PXDNL: variants seen among roughly 807,000 people sequenced by gnomAD.
PXDNL encodes the protein probable oxidoreductase PXDNL.
In PXDNL, 145 loss-of-function variants were observed where a neutral mutation model predicts 150.8. That is an observed-to-expected ratio of 0.96 (90% CI 0.84 to 1.10). The LOEUF is 1.10. PXDNL is among the 50% of genes least tolerant of loss of function. PXDNL has a pLI of 0.00. For synonymous variants in PXDNL, 757 were observed against 725.7 expected (o/e 1.04, Z -0.69); for missense variants, 2,087 against 1,873.9 (o/e 1.11, Z -2.10).
intron 18 of PXDNL, among the ~76,000 whole-genome samples, chr8:51,374,316 T>G (rs1807231022): frequency 6.6e-6 from 1 of 152,206 alleles, no homozygotes; most frequent in Non-Finnish European, 1.5e-5. Context: ...AGACTCAGAT[T>G]TAAGCACAAC....
chr8:51,523,687 C>T (rs1811707115), intron 4 of PXDNL, among the ~76,000 whole-genome samples: 1 of 152,168 alleles, frequency 6.6e-6, no homozygotes, highest in Admixed American at 6.6e-5. Flanking sequence ...ACTGCACCTG[C>T]TTTTGTAGTT....
chr8:51,581,661 A>G lies in PXDNL; in HGVS notation c.308+10966T>C, dbSNP rs75225816. Among the ~76,000 whole-genome samples, 737 of 152,274 alleles carry G rather than the reference A, an allele frequency of 4.8e-3. 8 individuals are homozygous for G. Among genetic ancestry groups the G allele is most frequent in the East Asian group, 0.043 (220 of 5,164 alleles). ...ATTGAAACACCTGTGTTCATCAGGG[A>G]TACTGGCTTGCAATTTTCTTTTCTT... is the stretch of plus-strand genomic sequence containing the variant. On this transcript the variant is annotated intron_variant, in intron 3 of 22. Coordinates refer to ENST00000356297, the MANE Select transcript of PXDNL (RefSeq NM_144651.5).
chr8:51,761,436 T>G (rs2037165570), intron 1 of PXDNL, among the ~76,000 whole-genome samples: 1 of 152,224 alleles, frequency 6.6e-6, no homozygotes, highest in Admixed American at 6.5e-5. Context: ...CATGAATTTC[T>G]TAGCTCATAT....
Position 51,345,636 on chromosome 8 carries a change from C to T in PXDNL, c.4016+197G>A, listed in dbSNP as rs145600386. 1.5e-3 allele frequency among the ~76,000 whole-genome samples: 221 copies of T among 152,276 alleles called. 1 individual carries two copies. Among genetic ancestry groups the T allele is most frequent in the Admixed American group, 3.5e-3 (53 of 15,294 alleles). ...AGAAAAATTCATTGCCAAATACGCT[C>T]TGGTTGGGCTATTGCAGAGTGAAAT... On this transcript the variant is annotated intron_variant, in intron 20 of 22. Coordinates refer to ENST00000356297, the MANE Select transcript of PXDNL (RefSeq NM_144651.5).
chr8:51,611,393 C>T (rs1051607776), intron 2 of PXDNL, among the ~76,000 whole-genome samples: 14 of 152,192 alleles, frequency 9.2e-5, no homozygotes, highest in South Asian at 4.1e-4. Context: ...GGTAGTTACA[C>T]GAGTGTTTAT....
chr8:51,571,965 C>T (rs1812954516), intron 3 of PXDNL, among the ~76,000 whole-genome samples: 1 of 151,786 alleles, frequency 6.6e-6, no homozygotes, highest in South Asian at 2.1e-4. Flanking sequence ...ACAATGGTTT[C>T]CCTTTATGAC....
rs567703471 is a variant in PXDNL at position 51,761,158 on chromosome 8, C to G, written c.164+48023G>C. Among the ~76,000 whole-genome samples the G allele has an allele frequency of 1.7e-4, 26 of 151,618 alleles. 1 individual carries two copies. The South Asian group carries it at 5.2e-3, about 30-fold the overall frequency. ...AAAGTGCTAGGATTACAGGCGTGAG[C>G]CACCGCGGCCGGCCTGAAATCACTT... On this transcript the variant is annotated intron_variant, in intron 1 of 22. Coordinates refer to ENST00000356297, the MANE Select transcript of PXDNL (RefSeq NM_144651.5).
intron 1 of PXDNL, among the ~76,000 whole-genome samples, chr8:51,805,162 T>C (rs970610331): frequency 1.3e-5 from 2 of 151,828 alleles, no homozygotes; most frequent in Non-Finnish European, 2.9e-5. Flanking sequence ...CCCTCAACAA[T>C]GCCAGGTGGG....
chr8:51,714,724 C>G (rs1585695338), intron 1 of PXDNL, among the ~76,000 whole-genome samples: 1 of 152,240 alleles, frequency 6.6e-6, no homozygotes, highest in Admixed American at 6.5e-5. Flanking sequence ...TGTTCCATTG[C>G]ACCATTTTGT....
chr8:51,386,635 A>G (rs1807723248), intron 17 of PXDNL, among the ~76,000 whole-genome samples: 2 of 151,962 alleles, frequency 1.3e-5, no homozygotes, highest in African/African-American at 4.8e-5. Context: ...TAGATGATAG[A>G]TGGAAACGTC....
intron 6 of PXDNL, among the ~76,000 whole-genome samples, chr8:51,480,889 T>C (rs996782482): frequency 1.3e-5 from 2 of 152,204 alleles, no homozygotes; most frequent in African/African-American, 2.4e-5. Context: ...CCATTAAACC[T>C]CTTTTTCTTT....
chr8:51,406,912 A>G (rs930305142), intron 17 of PXDNL, among the ~76,000 whole-genome samples: 5 of 152,242 alleles, frequency 3.3e-5, no homozygotes, highest in Non-Finnish European at 7.3e-5. Context: ...TGAAATGATC[A>G]TGTTATAATA....
chr8:51,526,346 T>C (rs5891420), intron 4 of PXDNL, among the ~76,000 whole-genome samples: 77,512 of 151,210 alleles, frequency 0.51, 22,783 homozygotes, highest in Non-Finnish European at 0.66. Context: ...TGTTTTTTTT[T>C]CTTTTTTTTT....
intron 13 of PXDNL, among the ~76,000 whole-genome samples, chr8:51,423,986 T>G (rs2060108): frequency 0.95 from 144,482 of 152,226 alleles, 68,807 homozygotes; most frequent in Non-Finnish European, 0.99. Context: ...TTATTTAACA[T>G]AATAATAATT....
intron 19 of PXDNL, among the ~76,000 whole-genome samples, chr8:51,355,752 G>C (rs1431099387): frequency 6.6e-6 from 1 of 152,192 alleles, no homozygotes; most frequent in African/African-American, 2.4e-5. Flanking sequence ...ACAAGAACTT[G>C]TGAATATTAT....
At chr8:51,548,868 T>G (rs1812420247) in intron 4 of PXDNL, among the ~76,000 whole-genome samples, 1 of 152,108 alleles carries the variant, frequency 6.6e-6, no homozygotes, top group Admixed American at 6.6e-5. Flanking sequence ...AAGGATCCAT[T>G]TAAAAGATAT....
intron 4 of PXDNL, among the ~76,000 whole-genome samples, chr8:51,521,573 T>C (rs1811665319): frequency 6.6e-6 from 1 of 151,894 alleles, no homozygotes; most frequent in Non-Finnish European, 1.5e-5. Flanking sequence ...TTTAAAGAAA[T>C]AAACAATGGC....
intron 8 of PXDNL, among the ~76,000 whole-genome samples, chr8:51,461,616 T>C (rs1810085433): frequency 6.6e-6 from 1 of 152,162 alleles, no homozygotes; most frequent in Admixed American, 6.5e-5. Context: ...ACACCACCCA[T>C]AGACATATCA....
intron 17 of PXDNL, among the ~76,000 whole-genome samples, chr8:51,406,529 C>T (rs957471400): frequency 6.6e-6 from 1 of 152,066 alleles, no homozygotes; most frequent in African/African-American, 2.4e-5. Context: ...TCTTTAAAAC[C>T]CGTCCCCTAT....
Sources: allele counts gnomAD v4.1 joint callset (sites outside exome capture counted in the v4.1 genomes callset), GRCh38; gene constraint gnomAD v4.1.1; transcripts MANE v1.5; gene names NCBI Gene and HGNC (gene_info 2026-07-23, HGNC 2026-07-21).